Variants in LRPPRC observed in about 807,000 individuals in gnomAD.
The protein encoded by LRPPRC is leucine-rich PPR motif-containing protein, mitochondrial.
A neutral mutation model predicts 180.3 loss-of-function variants in LRPPRC; 120 were observed. The observed-to-expected ratio is 0.67, with a 90% CI of 0.57 to 0.77. The LOEUF (loss-of-function observed/expected upper bound fraction) is 0.77. LRPPRC is among the 30% of genes least tolerant of loss of function. LRPPRC has a pLI of 0.00. For synonymous variants in LRPPRC, 723 were observed against 600.0 expected (o/e 1.21, Z -3.00); for missense variants, 2,012 against 1,657.2 (o/e 1.21, Z -3.72).
At chr2:43,956,310 G>A (rs1032353832) in intron 14 of LRPPRC, among the ~76,000 whole-genome samples, 5 of 152,168 alleles carry the variant, frequency 3.3e-5, no homozygotes, top group African/African-American at 9.7e-5. Context: ...GGGAAAATCT[G>A]AACATGGACT....
intron 11 of LRPPRC, among the ~76,000 whole-genome samples, chr2:43,967,956 T>C (rs542177512): frequency 9.5e-4 from 144 of 152,318 alleles, no homozygotes; most frequent in African/African-American, 3.1e-3. Flanking sequence ...CATAGCTAAG[T>C]TGCTTCTGAA....
chr2:43,920,063 T>C (rs1452243269), intron 27 of LRPPRC, among the ~76,000 whole-genome samples: 1 of 128,602 alleles, frequency 7.8e-6, no homozygotes, highest in African/African-American at 3.0e-5. Context: ...TCATTCTTCA[T>C]GGGAAATCAG....
At position 43,925,894 on chromosome 2, in the gene LRPPRC, T is replaced by C; in HGVS notation, c.2804A>G (p.Gln935Arg). The change falls in exon 26 of 38, where the codon CAG becomes CGG. Residue 935 changes from glutamine (Q) to arginine (R), a missense_variant and splice_region_variant. Physicochemically the swap from Gln to Arg is conservative, Grantham distance 43. Coordinates refer to ENST00000260665, the MANE Select transcript of LRPPRC (RefSeq NM_133259.4). ...GAGACATCTGAATCAAATACAAACCTGATTATTTGCAACACATCTGTCACA... is the reference window on the plus strand; with the variant it reads ...GAGACATCTGAATCAAATACAAACCCGATTATTTGCAACACATCTGTCACA... ...WFCDRCVANN[Q>R]VETLEKLVEL... 4 of 1,607,742 alleles carry C rather than the reference T, an allele frequency of 2.5e-6. No homozygotes were observed. The highest frequency in any genetic ancestry group is 2.6e-6 in the Non-Finnish European group (3 of 1,174,098).
intron 1 of LRPPRC, among the ~76,000 whole-genome samples, chr2:43,994,416 G>C (rs997239840): frequency 6.6e-6 from 1 of 152,168 alleles, no homozygotes; most frequent in Non-Finnish European, 1.5e-5. Context: ...AACCAACAAA[G>C]CACTTACTAG....
rs4953042 is a variant in LRPPRC, at chr2:43,974,237, T to C, written c.1068A>G (p.Gln356=). 0.17 allele frequency: 278,294 copies of C among 1,610,560 alleles called. 29,348 individuals are homozygous for C. The highest frequency in any genetic ancestry group is 0.5 in the East Asian group (22,261 of 44,822). ...VTEKLEDVAL[Q]ILLACPVSKE... is the part of the protein sequence containing the mutation. ...TTGATACGGGGCATGCTAGTAAAAT[T>C]TGCAACGCTACATCTTCCAATTTTT... Residue 356 remains glutamine, a synonymous_variant, in exon 9 of 38, where the codon CAA becomes CAG. Coordinates refer to ENST00000260665, the MANE Select transcript of LRPPRC (RefSeq NM_133259.4).
At chr2:43,935,245 C>A (rs1672234659) in intron 23 of LRPPRC, among the ~76,000 whole-genome samples, 1 of 152,214 alleles carries the variant, frequency 6.6e-6, no homozygotes, top group Admixed American at 6.5e-5. Context: ...GCAAGGACTA[C>A]CGTCAAATAC....
At chr2:43,962,478 A>G (rs890996367) in intron 12 of LRPPRC, among the ~76,000 whole-genome samples, 6 of 152,196 alleles carry the variant, frequency 3.9e-5, no homozygotes, top group African/African-American at 1.4e-4. Context: ...CTTAAACAAC[A>G]TGTTCCTTAT....
chr2:43,973,803 T>C lies in LRPPRC; in HGVS notation c.1253A>G (p.Asn418Ser), dbSNP rs373908553. The change falls in exon 10 of 38, where the codon AAT becomes AGT. Residue 418 changes from asparagine to serine, a missense_variant. Physicochemically the swap from Asn to Ser is conservative, Grantham distance 46. Coordinates refer to ENST00000260665, the MANE Select transcript of LRPPRC (RefSeq NM_133259.4). Reference sequence around the variant, plus strand: ...CTTTAAGAATGTAGTACCAGTTTTATTGGCGAGTAAAGCACAATGGAGGGT... The same window carrying C: ...CTTTAAGAATGTAGTACCAGTTTTACTGGCGAGTAAAGCACAATGGAGGGT... ...QFTLHCALLA[N>S]KTDLAKALMK... The C allele has an allele frequency of 8.6e-5, 138 of 1,613,354 alleles. No individual in the cohort carries two copies. Among genetic ancestry groups the C allele is most frequent in the Admixed American group, 1.2e-4 (7 of 60,026 alleles).
chr2:43,940,097 A>G lies in LRPPRC; in HGVS notation c.2504+3590T>C, dbSNP rs915096785. 2.6e-5 allele frequency among the ~76,000 whole-genome samples: 4 copies of G among 152,292 alleles called. No individual in the cohort carries two copies. The South Asian group carries it at 8.3e-4, about 32-fold the overall frequency. On this transcript the variant is annotated intron_variant, in intron 23 of 37. Transcript: ENST00000260665. ...ATGAATGTAACTTAATTACGACCCAATGATCCTTGACGAAAAATCATCTTA... is the reference window on the plus strand; with the variant it reads ...ATGAATGTAACTTAATTACGACCCAGTGATCCTTGACGAAAAATCATCTTA...
chr2:43,993,302 C>T (rs1674868721), intron 1 of LRPPRC, among the ~76,000 whole-genome samples: 1 of 152,126 alleles, frequency 6.6e-6, no homozygotes, highest in Admixed American at 6.5e-5. Context: ...GTTTATTGTT[C>T]CCACCACCCA....
chr2:43,966,514 G>C (rs1374994672), intron 11 of LRPPRC, among the ~76,000 whole-genome samples: 1 of 151,570 alleles, frequency 6.6e-6, no homozygotes, highest in Admixed American at 6.6e-5. Context: ...GGGTTCAAGC[G>C]ATTCTTCTGC....
Position 43,897,094 on chromosome 2 carries a change from A to G in LRPPRC, c.3826-386T>C, listed in dbSNP as rs905882934. 2.6e-5 allele frequency among the ~76,000 whole-genome samples: 4 copies of G among 152,374 alleles called. No homozygotes were observed. In the South Asian group the frequency reaches 6.2e-4, roughly 24 times the overall value. On this transcript the variant is annotated intron_variant, in intron 34 of 37. Transcript: ENST00000260665. ...GATCATAAGGTTAATTATACATTTA[A>G]TAAGGTGTCAGGGAGATAACTGCTC... is the stretch of plus-strand genomic sequence containing the variant.
At chr2:43,899,435 G>T (rs187160273) in intron 33 of LRPPRC, 31 bp downstream of exon 33, 2 of 1,613,714 alleles carry the variant, frequency 1.2e-6, no homozygotes, top group South Asian at 2.2e-5. Flanking sequence ...AAATGTGCTT[G>T]TGTGTTCTTT....
intron 23 of LRPPRC, among the ~76,000 whole-genome samples, chr2:43,942,584 A>G (rs1325970997): frequency 1.3e-5 from 2 of 152,178 alleles, no homozygotes; most frequent in Admixed American, 1.3e-4. Flanking sequence ...GTTAGTTAAA[A>G]GAGATGGTTT....
At chr2:43,995,212 G>A (rs1157914530) in intron 1 of LRPPRC, among the ~76,000 whole-genome samples, 1 of 152,144 alleles carries the variant, frequency 6.6e-6, no homozygotes, top group African/African-American at 2.4e-5. Context: ...CTGCACTCCA[G>A]CCCAACTCGC....
In LRPPRC at chr2:43,976,904, G is replaced by C. The variant is rs1300644904; in HGVS notation, c.650+90C>G. 11 of 1,030,438 alleles carry C rather than the reference G, an allele frequency of 1.1e-5. No individual in the cohort carries two copies. In the East Asian group the frequency reaches 2.7e-4, roughly 25 times the overall value. The allele number at this position is 1,030,438 out of a possible 1,614,324, so 63.8% of individuals were successfully genotyped here. A position where few individuals can be genotyped will look rare whatever the true frequency, so the allele number is the denominator to read the frequency against. On this transcript the variant is annotated intron_variant, in intron 5 of 37. Transcript: ENST00000260665. Reference sequence around the variant, plus strand: ...AGTTCTGAAACAATTTCCTCCATTAGGAAGAAGCTTTAAAACAAAGAGTGA... The same window carrying C: ...AGTTCTGAAACAATTTCCTCCATTACGAAGAAGCTTTAAAACAAAGAGTGA...
At chr2:43,974,866 A>G in intron 7 of LRPPRC, 108 bp from the exon 8 acceptor site, 1 of 1,164,254 alleles carries the variant, frequency 8.6e-7, no homozygotes, top group South Asian at 1.3e-5. Context: ...ATACCACCTA[A>G]AGGTTTACGA....
At chr2:43,974,966 T>C in intron 7 of LRPPRC, 125 bp downstream of exon 7, 1 of 1,052,790 alleles carries the variant, frequency 9.5e-7, no homozygotes, top group African/African-American at 1.6e-5. Context: ...TCTCCATAAA[T>C]ACTACTTTCT....
chr2:43,958,938 C>A, intron 13 of LRPPRC: 1 of 352,470 alleles, frequency 2.8e-6, no homozygotes, highest in East Asian at 4.3e-5. Flanking sequence ...TAATAAACAA[C>A]CTCTTGAAAA....
Sources: gnomAD v4.1 joint callset for allele counts (sites outside exome capture counted in the v4.1 genomes callset) on GRCh38, gnomAD v4.1.1 for gene constraint, MANE v1.5 for transcripts, NCBI Gene and HGNC (gene_info 2026-07-23, HGNC 2026-07-21) for gene names.